Variants in TMEM232 observed in about 807,000 individuals in gnomAD.
TMEM232 encodes transmembrane protein 232.
In TMEM232, 80 loss-of-function variants were observed where a neutral mutation model predicts 78.8. That is an observed-to-expected ratio of 1.01 (90% CI 0.85 to 1.22). The LOEUF is 1.22. Ranked by LOEUF, TMEM232 falls within the 50% of genes most tolerant of loss-of-function variation. The probability of loss-of-function intolerance (pLI) is 0.00; values close to 1 mark genes in which losing one functional copy is unlikely to be tolerated. For synonymous variants in TMEM232, 297 were observed against 254.3 expected (o/e 1.17, Z -1.60); for missense variants, 881 against 742.2 (o/e 1.19, Z -2.17).
At chr5:110,550,495 C>A (rs1774318004) in intron 11 of TMEM232, among the ~76,000 whole-genome samples, 1 of 151,822 alleles carries the variant, frequency 6.6e-6, no homozygotes, top group South Asian at 2.1e-4. Context: ...AAAAAATAAA[C>A]TTTTGAACTA....
chr5:110,408,104 A>G (rs1381439330), intron 2 of TMEM232, among the ~76,000 whole-genome samples: 1 of 152,150 alleles, frequency 6.6e-6, no homozygotes, highest in Non-Finnish European at 1.5e-5. Context: ...AGATACAACA[A>G]AAAGTTGTAT....
chr5:110,425,082 G>A (rs1416218710), intron 12 of TMEM232, among the ~76,000 whole-genome samples, 166 bp from the exon 13 acceptor site: 1 of 152,120 alleles, frequency 6.6e-6, no homozygotes, highest in African/African-American at 2.4e-5. Flanking sequence ...GGTTTTGTAA[G>A]CCATCTTGGG....
intron 12 of TMEM232, among the ~76,000 whole-genome samples, chr5:110,492,206 T>C (rs1439486989): frequency 6.6e-6 from 1 of 151,442 alleles, no homozygotes; most frequent in Admixed American, 6.6e-5. Flanking sequence ...AGTATAATAA[T>C]AATAAAATTA....
intron 11 of TMEM232, among the ~76,000 whole-genome samples, chr5:110,563,393 A>C (rs6863917): frequency 0.32 from 49,214 of 151,752 alleles, 13,628 homozygotes; most frequent in African/African-American, 0.75. Flanking sequence ...AAATAGAATT[A>C]TAATTATAGA....
intron 12 of TMEM232, among the ~76,000 whole-genome samples, chr5:110,508,613 A>G (rs550526013): frequency 6.6e-5 from 10 of 150,454 alleles, no homozygotes; most frequent in Non-Finnish European, 1.2e-4. Flanking sequence ...TGCTTAGAGG[A>G]TCTTTTGAGT....
chr5:110,690,517 C>T (rs1249043247), intron 1 of TMEM232, among the ~76,000 whole-genome samples: 1 of 152,188 alleles, frequency 6.6e-6, no homozygotes, highest in African/African-American at 2.4e-5. Context: ...CGCTTTTACA[C>T]TGTTAGTGGG....
intron 1 of TMEM232, among the ~76,000 whole-genome samples, chr5:110,708,080 C>T (rs1258074270): frequency 2.0e-5 from 3 of 152,106 alleles, no homozygotes; most frequent in South Asian, 2.1e-4. Context: ...AGATCCAGTA[C>T]ACTTGCAGTT....
intron 10 of TMEM232, among the ~76,000 whole-genome samples, chr5:110,580,627 G>A (rs1346656410): frequency 3.3e-5 from 5 of 151,594 alleles, no homozygotes; most frequent in Admixed American, 3.3e-4. Context: ...TCAATAATAA[G>A]GATGACAACC....
chr5:110,649,311 G>C (rs1787967049), intron 2 of TMEM232, among the ~76,000 whole-genome samples: 1 of 151,876 alleles, frequency 6.6e-6, no homozygotes, highest in African/African-American at 2.4e-5. Flanking sequence ...TTATTTAAAA[G>C]GGTTACACAA....
chr5:110,484,392 A>G (rs1226152712), intron 12 of TMEM232, among the ~76,000 whole-genome samples: 1 of 152,144 alleles, frequency 6.6e-6, no homozygotes, highest in East Asian at 1.9e-4. Context: ...ATTTAACAAA[A>G]AAGGAGGCAG....
intron 10 of TMEM232, among the ~76,000 whole-genome samples, chr5:110,603,929 A>G (rs929040991): frequency 2.0e-5 from 3 of 152,182 alleles, no homozygotes; most frequent in African/African-American, 7.2e-5. Context: ...ACTCAATCAT[A>G]ATTTCCCCCA....
intron 1 of TMEM232, among the ~76,000 whole-genome samples, chr5:110,687,051 G>A (rs757332874): frequency 3.3e-5 from 5 of 152,030 alleles, no homozygotes; most frequent in Non-Finnish European, 7.4e-5. Flanking sequence ...AGATCAGGAT[G>A]CCATTATCTC....
At chr5:110,474,536 C>T (rs538976068) in intron 12 of TMEM232, among the ~76,000 whole-genome samples, 1 of 151,894 alleles carries the variant, frequency 6.6e-6, no homozygotes, top group East Asian at 1.9e-4. Flanking sequence ...TTCTATCTAA[C>T]TATAAATTAG....
At chr5:110,643,766 C>T (rs888972038) in intron 2 of TMEM232, among the ~76,000 whole-genome samples, 1 of 151,986 alleles carries the variant, frequency 6.6e-6, no homozygotes, top group Non-Finnish European at 1.5e-5. Flanking sequence ...GAGTAATTCA[C>T]AGTCCTACTG....
chr5:110,666,069 A>G (rs1419189060), intron 2 of TMEM232, among the ~76,000 whole-genome samples: 1 of 152,122 alleles, frequency 6.6e-6, no homozygotes, highest in Non-Finnish European at 1.5e-5. Flanking sequence ...AGCCTGGATG[A>G]CCCTGTCTCT....
At chr5:110,540,777 C>A (rs1187003826) in intron 11 of TMEM232, among the ~76,000 whole-genome samples, 1 of 152,170 alleles carries the variant, frequency 6.6e-6, no homozygotes, top group African/African-American at 2.4e-5. Flanking sequence ...AAAAGCTTAA[C>A]ATCTATACAG....
At chr5:110,392,270 A>G (rs1282793567) in intron 3 of TMEM232, among the ~76,000 whole-genome samples, 1 of 152,216 alleles carries the variant, frequency 6.6e-6, no homozygotes, top group African/African-American at 2.4e-5. Context: ...GAGTGAATAA[A>G]TAGACCTGAG....
At chr5:110,528,256 G>GTA (rs1256693772) in intron 12 of TMEM232, among the ~76,000 whole-genome samples, 1 of 151,648 alleles carries the variant, frequency 6.6e-6, no homozygotes, top group Non-Finnish European at 1.5e-5. Flanking sequence ...TATCAAATAT[G>GTA]TATATATATG....
At position 110,420,763 on chromosome 5, in the gene TMEM232, C is replaced by G. The variant is rs1756547428; in HGVS notation, c.1798-7G>C. ...TCTTTAGCTCTTCCTGCCACTGTTA[C>G]AGAGAGAAAACGTCATTCACATGAT... On this transcript the variant is annotated splice_polypyrimidine_tract_variant and splice_region_variant and intron_variant, in intron 13 of 13. Transcript: ENST00000455884. 2 of 1,509,034 alleles carry G rather than the reference C, an allele frequency of 1.3e-6. No individual in the cohort carries two copies. 93.5% of individuals were successfully genotyped at this position (1,509,034 alleles called of 1,614,324 possible).
Sources: allele counts gnomAD v4.1 joint callset (sites outside exome capture counted in the v4.1 genomes callset), GRCh38; gene constraint gnomAD v4.1.1; transcripts MANE v1.5; gene names NCBI Gene and HGNC (gene_info 2026-07-23, HGNC 2026-07-21).